SLC9A9: variants seen among roughly 807,000 people sequenced by gnomAD.
The protein encoded by SLC9A9 is solute carrier family 9 member A9, also known as sodium/hydrogen exchanger 9.
In SLC9A9, 62 loss-of-function variants were observed where a neutral mutation model predicts 77.8. The observed-to-expected ratio is 0.80, with a 90% CI of 0.65 to 0.98. SLC9A9 has a LOEUF of 0.98. Among genes scored for constraint, SLC9A9 ranks in the 50% least tolerant of loss-of-function variants. The pLI, the probability that SLC9A9 is intolerant of heterozygous loss-of-function variation, is 0.00. For missense variants in SLC9A9, 775 were observed against 774.9 expected (o/e 1.00, Z 0.00); for synonymous variants, 320 against 283.5 (o/e 1.13, Z -1.29).
chr3:143,283,085 C>T (rs1237048537), intron 14 of SLC9A9, among the ~76,000 whole-genome samples: 2 of 152,228 alleles, frequency 1.3e-5, no homozygotes, highest in Non-Finnish European at 2.9e-5. Context: ...CTCTTTGTTT[C>T]CACAAATGCT....
chr3:143,397,472 G>T (rs935357700), intron 12 of SLC9A9, among the ~76,000 whole-genome samples: 6 of 152,144 alleles, frequency 3.9e-5, no homozygotes, highest in Non-Finnish European at 8.8e-5. Context: ...AACCATAAAT[G>T]GTTGAAAAAC....
At chr3:143,586,385 C>G (rs1455927244) in intron 6 of SLC9A9, among the ~76,000 whole-genome samples, 2 of 152,214 alleles carry the variant, frequency 1.3e-5, no homozygotes, top group African/African-American at 2.4e-5. Context: ...ACATCTACAG[C>G]TGCCTTGTCA....
intron 12 of SLC9A9, among the ~76,000 whole-genome samples, chr3:143,391,607 C>T (rs1386731136): frequency 2.0e-5 from 3 of 152,322 alleles, no homozygotes; most frequent in African/African-American, 7.2e-5. Context: ...TGGAAAATGA[C>T]TTTGACGAGT....
At chr3:143,373,826 A>G (rs979917181) in intron 13 of SLC9A9, among the ~76,000 whole-genome samples, 1 of 152,120 alleles carries the variant, frequency 6.6e-6, no homozygotes, top group Non-Finnish European at 1.5e-5. Flanking sequence ...TGAGAAAAAA[A>G]TATTAAGTAG....
chr3:143,759,415 TC>T (rs1364679300), intron 4 of SLC9A9, among the ~76,000 whole-genome samples: 3 of 119,460 alleles, frequency 2.5e-5, no homozygotes, highest in Non-Finnish European at 4.9e-5. Context: ...ATTTATTTTT[TC>T]TTTTTTTGCT....
intron 2 of SLC9A9, among the ~76,000 whole-genome samples, chr3:143,812,766 A>C (rs1304292072): frequency 1.3e-5 from 2 of 152,138 alleles, no homozygotes; most frequent in Non-Finnish European, 2.9e-5. Flanking sequence ...TAACAGAGAG[A>C]CTAGATTAAA....
At chr3:143,793,804 G>A (rs1039843498) in intron 4 of SLC9A9, among the ~76,000 whole-genome samples, 12 of 152,154 alleles carry the variant, frequency 7.9e-5, no homozygotes, top group Admixed American at 3.3e-4. Flanking sequence ...TTAGAAATGT[G>A]AATATTTAGC....
intron 14 of SLC9A9, among the ~76,000 whole-genome samples, chr3:143,300,339 T>C (rs1319493144): frequency 1.3e-5 from 2 of 152,250 alleles, no homozygotes; most frequent in East Asian, 3.8e-4. Context: ...ATTAGCTGTT[T>C]TTATTTCTAC....
intron 4 of SLC9A9, among the ~76,000 whole-genome samples, chr3:143,761,216 T>C (rs968811529): frequency 1.6e-4 from 25 of 152,280 alleles, no homozygotes; most frequent in Admixed American, 4.6e-4. Flanking sequence ...GACTTAAATG[T>C]TAGACTTAAA....
At chr3:143,783,096 G>A (rs16854317) in intron 4 of SLC9A9, among the ~76,000 whole-genome samples, 1,559 of 152,116 alleles carry the variant, frequency 0.01, 23 homozygotes, top group African/African-American at 0.035. Flanking sequence ...TCATCATCTG[G>A]TCAGAACGAC....
chr3:143,422,783 T>C (rs1402348210), intron 12 of SLC9A9, among the ~76,000 whole-genome samples: 1 of 152,218 alleles, frequency 6.6e-6, no homozygotes, highest in Admixed American at 6.5e-5. Flanking sequence ...TCAGAGCAGT[T>C]GTGTCACTGT....
chr3:143,630,278 G>A (rs540469100), intron 6 of SLC9A9, among the ~76,000 whole-genome samples: 2 of 152,278 alleles, frequency 1.3e-5, no homozygotes, highest in East Asian at 3.9e-4. Context: ...AGGGAAAAGA[G>A]GCAAAACCCA....
At chr3:143,341,882 C>T (rs1282358516) in intron 14 of SLC9A9, among the ~76,000 whole-genome samples, 2 of 152,166 alleles carry the variant, frequency 1.3e-5, no homozygotes, top group Non-Finnish European at 2.9e-5. Context: ...ATTTTGGAGG[C>T]TATTCTTAAT....
chr3:143,569,915 A>G (rs2037231569), intron 8 of SLC9A9, among the ~76,000 whole-genome samples: 1 of 150,906 alleles, frequency 6.6e-6, no homozygotes, highest in African/African-American at 2.4e-5. Context: ...GGCTCAAGCA[A>G]TCCTCCTGCC....
At chr3:143,726,988 G>C (rs979788062) in intron 4 of SLC9A9, among the ~76,000 whole-genome samples, 1 of 151,136 alleles carries the variant, frequency 6.6e-6, no homozygotes, top group Non-Finnish European at 1.5e-5. Context: ...AGAAAATGTT[G>C]AACAGAAGAG....
intron 14 of SLC9A9, among the ~76,000 whole-genome samples, chr3:143,285,587 C>G (rs1330798025): frequency 6.6e-6 from 1 of 152,116 alleles, no homozygotes; most frequent in African/African-American, 2.4e-5. Flanking sequence ...AAAGAGTTTA[C>G]AGAGCCTCCT....
At chr3:143,333,193 G>A (rs1248439225) in intron 14 of SLC9A9, among the ~76,000 whole-genome samples, 1 of 151,784 alleles carries the variant, frequency 6.6e-6, no homozygotes, top group Non-Finnish European at 1.5e-5. Context: ...GTGCTTTCAC[G>A]CTTGTGATTT....
chr3:143,327,883 A>C (rs1331811459), intron 14 of SLC9A9, among the ~76,000 whole-genome samples: 1 of 152,186 alleles, frequency 6.6e-6, no homozygotes, highest in Non-Finnish European at 1.5e-5. Context: ...ATTCATTCTA[A>C]ATTCATTGAG....
intron 9 of SLC9A9, among the ~76,000 whole-genome samples, chr3:143,507,915 C>T (rs558805012): frequency 1.3e-5 from 2 of 152,224 alleles, no homozygotes; most frequent in Admixed American, 6.5e-5. Context: ...CAAGCTCTCA[C>T]GTCTCTTCTA....
Sources: allele counts gnomAD v4.1 joint callset (sites outside exome capture counted in the v4.1 genomes callset), GRCh38; gene constraint gnomAD v4.1.1; transcripts MANE v1.5; gene names NCBI Gene and HGNC (gene_info 2026-07-23, HGNC 2026-07-21).